Variants in NKAIN3 observed in about 807,000 individuals in gnomAD.
NKAIN3 encodes the protein sodium/potassium-transporting ATPase subunit beta-1-interacting protein 3.
Under a neutral mutation model 30.2 loss-of-function variants are expected in NKAIN3, and 25 were observed. The observed-to-expected ratio is 0.83, with a 90% CI of 0.60 to 1.16. The LOEUF is 1.16. Ranked by LOEUF, NKAIN3 falls within the 50% of genes most tolerant of loss-of-function variation. The probability of loss-of-function intolerance (pLI) is 0.00; values close to 1 mark genes in which losing one functional copy is unlikely to be tolerated. For synonymous variants in NKAIN3, 91 were observed against 89.6 expected (o/e 1.02, Z -0.09); for missense variants, 225 against 254.1 (o/e 0.89, Z 0.78).
intron 1 of NKAIN3, among the ~76,000 whole-genome samples, chr8:62,579,192 A>G (rs1810213782): frequency 6.6e-6 from 1 of 151,990 alleles, no homozygotes; most frequent in Non-Finnish European, 1.5e-5. Context: ...ACCCCTCATA[A>G]TTAAACATAA....
chr8:62,627,891 G>A (rs552808768), intron 3 of NKAIN3, among the ~76,000 whole-genome samples: 6 of 152,148 alleles, frequency 3.9e-5, no homozygotes, highest in South Asian at 2.1e-4. Flanking sequence ...CAACTGGGAC[G>A]TGGTTTCCTT....
At chr8:62,987,658 C>T (rs1442870890), downstream of NKAIN3, among the ~76,000 whole-genome samples, 1 of 151,566 alleles carries the variant, frequency 6.6e-6, no homozygotes, top group African/African-American at 2.4e-5. Flanking sequence ...CAATAACCTC[C>T]CACTGGGTCC....
chr8:62,635,341 T>C (rs528098432), intron 3 of NKAIN3, among the ~76,000 whole-genome samples: 1 of 152,276 alleles, frequency 6.6e-6, no homozygotes, highest in South Asian at 2.1e-4. Context: ...GAAGAGATTC[T>C]GATGATAAAA....
chr8:62,721,495 A>T (rs1815092034), intron 3 of NKAIN3, among the ~76,000 whole-genome samples: 1 of 152,206 alleles, frequency 6.6e-6, no homozygotes. Flanking sequence ...CTTAACGATG[A>T]GACTATGATT....
intron 5 of NKAIN3, among the ~76,000 whole-genome samples, chr8:62,938,450 G>A (rs181422906): frequency 3.4e-4 from 52 of 152,160 alleles, no homozygotes; most frequent in Admixed American, 6.5e-4. Context: ...TTCAAGAAAA[G>A]CAGTGCACTA....
chr8:62,774,406 T>C (rs565669233), intron 4 of NKAIN3, among the ~76,000 whole-genome samples: 1 of 152,356 alleles, frequency 6.6e-6, no homozygotes, highest in South Asian at 2.1e-4. Context: ...TTTCTTTCTC[T>C]TGTCTGATTG....
intron 5 of NKAIN3, among the ~76,000 whole-genome samples, chr8:62,937,207 C>G (rs1585596876): frequency 6.6e-6 from 1 of 152,070 alleles, no homozygotes; most frequent in South Asian, 2.1e-4. Flanking sequence ...CTCAGATAGA[C>G]AGAACAGCAT....
At chr8:62,422,096 A>G (rs576228791) in intron 1 of NKAIN3, among the ~76,000 whole-genome samples, 17 of 152,278 alleles carry the variant, frequency 1.1e-4, no homozygotes, top group African/African-American at 3.8e-4. Flanking sequence ...CAGAAAATAA[A>G]CTAAAATATG....
At chr8:62,769,245 A>G (rs1816944642) in intron 4 of NKAIN3, among the ~76,000 whole-genome samples, 1 of 152,236 alleles carries the variant, frequency 6.6e-6, no homozygotes, top group African/African-American at 2.4e-5. Context: ...AAGTTTATAC[A>G]AGGCACTAGT....
At chr8:62,786,448 C>T (rs1817521626) in intron 4 of NKAIN3, among the ~76,000 whole-genome samples, 1 of 151,988 alleles carries the variant, frequency 6.6e-6, no homozygotes, top group African/African-American at 2.4e-5. Flanking sequence ...GGATTGCCAC[C>T]TGCTTTCAGA....
intron 4 of NKAIN3, chr8:62,856,132 T>A: frequency 4.2e-6 from 3 of 718,902 alleles, no homozygotes; most frequent in Non-Finnish European, 7.7e-6. Flanking sequence ...TCCATTATAA[T>A]CTGAGACTCC....
At chr8:62,903,485 C>A (rs367565456) in intron 4 of NKAIN3, among the ~76,000 whole-genome samples, 1 of 152,014 alleles carries the variant, frequency 6.6e-6, no homozygotes, top group Non-Finnish European at 1.5e-5. Flanking sequence ...TTCTGCTGGG[C>A]GCACAAGATA....
intron 3 of NKAIN3, among the ~76,000 whole-genome samples, chr8:62,719,342 T>C (rs1815008713): frequency 6.6e-6 from 1 of 152,202 alleles, no homozygotes; most frequent in Admixed American, 6.5e-5. Context: ...CAGGGAGATA[T>C]TAGGCATAGA....
At chr8:62,876,808 TTGAGGG>T (rs1820809842) in intron 4 of NKAIN3, among the ~76,000 whole-genome samples, 1 of 151,776 alleles carries the variant, frequency 6.6e-6, no homozygotes, top group South Asian at 2.1e-4. Flanking sequence ...CCAGGGCCTA[TTGAGGG>T]GTGGGGGTGA....
At chr8:62,669,756 G>A (rs1481962084) in intron 3 of NKAIN3, among the ~76,000 whole-genome samples, 1 of 152,084 alleles carries the variant, frequency 6.6e-6, no homozygotes, top group Admixed American at 6.6e-5. Flanking sequence ...TGTGATGGAT[G>A]GGGTTGTCAG....
intron 1 of NKAIN3, among the ~76,000 whole-genome samples, chr8:62,480,116 T>C (rs1806666067): frequency 6.6e-6 from 1 of 152,220 alleles, no homozygotes; most frequent in African/African-American, 2.4e-5. Context: ...TTCTTCATCT[T>C]ATAACTGAAG....
chr8:62,715,745 G>T (rs1410639175), intron 3 of NKAIN3, among the ~76,000 whole-genome samples: 1 of 152,164 alleles, frequency 6.6e-6, no homozygotes, highest in Admixed American at 6.5e-5. Context: ...TTAAATTGCT[G>T]CCTGGTGGGA....
At chr8:62,385,802 G>T (rs1404990596) in intron 1 of NKAIN3, among the ~76,000 whole-genome samples, 1 of 152,088 alleles carries the variant, frequency 6.6e-6, no homozygotes, top group Non-Finnish European at 1.5e-5. Flanking sequence ...GCAGTGTTTT[G>T]GTCTGGCTTC....
intron 4 of NKAIN3, among the ~76,000 whole-genome samples, chr8:62,792,416 C>T (rs1392868715): frequency 1.1e-5 from 1 of 94,636 alleles, no homozygotes; most frequent in African/African-American, 3.8e-5. Flanking sequence ...AAACTTTCAA[C>T]AAGAGAAAGC....
Sources: allele counts gnomAD v4.1 joint callset (sites outside exome capture counted in the v4.1 genomes callset), GRCh38; gene constraint gnomAD v4.1.1; transcripts MANE v1.5; gene names NCBI Gene and HGNC (gene_info 2026-07-23, HGNC 2026-07-21).